PDZD2: variants seen among roughly 807,000 people sequenced by gnomAD.
PDZD2 encodes the protein PDZ domain-containing protein 2.
PDZD2 carries 90 observed loss-of-function variants against 220.7 expected under a neutral mutation model. The ratio of observed to expected loss-of-function variants is 0.41; its 90% CI spans 0.34 to 0.49. The LOEUF (loss-of-function observed/expected upper bound fraction) is 0.49. Among genes scored for constraint, PDZD2 ranks in the 20% least tolerant of loss-of-function variants. The probability of loss-of-function intolerance (pLI) is 0.28; values close to 1 mark genes in which losing one functional copy is unlikely to be tolerated. For missense variants in PDZD2, 3,174 were observed against 3,608.5 expected (o/e 0.88, Z 3.08); for synonymous variants, 1,375 against 1,450.5 (o/e 0.95, Z 1.18).
chr5:31,908,766 C>G, intron 2 of PDZD2: 3 of 926,622 alleles, frequency 3.2e-6, no homozygotes, highest in African/African-American at 1.6e-5. Flanking sequence ...CAGTTCTGGC[C>G]GGGCGTGGTG....
chr5:31,894,579 A>G (rs777344754), intron 2 of PDZD2, among the ~76,000 whole-genome samples: 31 of 152,120 alleles, frequency 2.0e-4, no homozygotes, highest in Non-Finnish European at 4.3e-4. Flanking sequence ...TACCAAGTAT[A>G]TTTTGCTTTT....
chr5:31,767,982 G>A (rs1294331211), intron 1 of PDZD2, among the ~76,000 whole-genome samples: 1 of 152,242 alleles, frequency 6.6e-6, no homozygotes, highest in Non-Finnish European at 1.5e-5. Context: ...TTGGAACAGT[G>A]TCTTTTTTAC....
intron 3 of PDZD2, among the ~76,000 whole-genome samples, chr5:31,991,252 G>A (rs1235053895): frequency 6.6e-6 from 1 of 152,162 alleles, no homozygotes; most frequent in East Asian, 1.9e-4. Flanking sequence ...TGTAGGAGGT[G>A]AAATTTAAAA....
intron 9 of PDZD2, among the ~76,000 whole-genome samples, chr5:32,053,221 G>A (rs912668371): frequency 6.6e-6 from 1 of 152,212 alleles, no homozygotes; most frequent in African/African-American, 2.4e-5. Flanking sequence ...TTTACCTCCA[G>A]TGAAAGAAAA....
chr5:31,924,610 T>C (rs917270990), intron 2 of PDZD2, among the ~76,000 whole-genome samples: 1 of 152,198 alleles, frequency 6.6e-6, no homozygotes, highest in Non-Finnish European at 1.5e-5. Flanking sequence ...ATACTCTTCA[T>C]CTTCCCAGCA....
chr5:31,890,105 A>G (rs1740879518), intron 2 of PDZD2, among the ~76,000 whole-genome samples: 1 of 143,432 alleles, frequency 7.0e-6, no homozygotes, highest in African/African-American at 2.6e-5. Context: ...CCTCCTGAGC[A>G]TTGACAAGGC....
chr5:31,816,287 C>CAAAAAAAAAAAAAAAAAAAAAAAAAAAA (rs34233316), intron 2 of PDZD2, among the ~76,000 whole-genome samples: 1 of 99,118 alleles, frequency 1.0e-5, no homozygotes, highest in Non-Finnish European at 2.1e-5. Flanking sequence ...GACTCCATCT[C>CAAAAAAAAAAAAAAAAAAAAAAAAAAAA]AAAAAAAAAA....
intron 2 of PDZD2, among the ~76,000 whole-genome samples, chr5:31,980,721 G>A (rs1241537669): frequency 3.9e-5 from 6 of 152,092 alleles, no homozygotes; most frequent in African/African-American, 7.2e-5. Context: ...AAATCTATAC[G>A]TTATAGAAAA....
intron 1 of PDZD2, among the ~76,000 whole-genome samples, chr5:31,692,294 T>C (rs1678919): frequency 0.75 from 113,385 of 152,102 alleles, 42,997 homozygotes; most frequent in East Asian, 0.93. Flanking sequence ...ACTCGGAACT[T>C]GCGCTGGCCC....
chr5:31,750,511 C>G (rs1750889669), intron 1 of PDZD2, among the ~76,000 whole-genome samples: 1 of 152,176 alleles, frequency 6.6e-6, no homozygotes, highest in Non-Finnish European at 1.5e-5. Flanking sequence ...AGCATGAACA[C>G]AATGTGCAAG....
intron 1 of PDZD2, among the ~76,000 whole-genome samples, chr5:31,728,537 G>T (rs1402004143): frequency 6.6e-6 from 1 of 152,184 alleles, no homozygotes; most frequent in Non-Finnish European, 1.5e-5. Context: ...GAGTGCTAAT[G>T]GTGGTGGGGC....
At chr5:31,921,933 TG>T (rs1273310460) in intron 2 of PDZD2, among the ~76,000 whole-genome samples, 2 of 152,204 alleles carry the variant, frequency 1.3e-5, no homozygotes, top group East Asian at 3.8e-4. Flanking sequence ...TTCCACACTT[TG>T]GCTGTTGTTG....
intron 1 of PDZD2, among the ~76,000 whole-genome samples, chr5:31,777,218 C>T (rs999868934): frequency 5.3e-5 from 8 of 152,148 alleles, no homozygotes; most frequent in Non-Finnish European, 1.2e-4. Flanking sequence ...GTGCCACTGG[C>T]CCCGGGCAGT....
chr5:32,033,156 A>G (rs1310182085), intron 6 of PDZD2, among the ~76,000 whole-genome samples: 2 of 152,256 alleles, frequency 1.3e-5, no homozygotes, highest in Non-Finnish European at 2.9e-5. Context: ...AAGGCCTTCC[A>G]GGAGAACATT....
chr5:32,074,842 G>C (rs1052088864), intron 18 of PDZD2, among the ~76,000 whole-genome samples, 199 bp downstream of exon 18: 2 of 149,286 alleles, frequency 1.3e-5, no homozygotes, highest in Non-Finnish European at 3.0e-5. Context: ...ATGGAGTTTC[G>C]CTCTGTCACC....
In PDZD2 at chr5:31,910,476, C is replaced by T. The variant is rs116972315; in HGVS notation, c.477-72679C>T. 1.7e-3 allele frequency among the ~76,000 whole-genome samples: 246 copies of T among 148,488 alleles called. 2 individuals carry two copies. Among genetic ancestry groups the T allele is most frequent in the East Asian group, 0.014 (73 of 5,092 alleles). On this transcript the variant is annotated intron_variant, in intron 2 of 24. Transcript: ENST00000438447. ...GGCTGGAGTGCAGTTGCGCAAATTC[C>T]GCCTCCTGGGTTCAAGCGATTCTCT...
chr5:32,022,475 G>C (rs937201559), intron 6 of PDZD2, among the ~76,000 whole-genome samples: 1 of 151,618 alleles, frequency 6.6e-6, no homozygotes, highest in African/African-American at 2.4e-5. Flanking sequence ...CCAAAGTGCT[G>C]GGATTATAGG....
chr5:31,747,010 A>T (rs1186438935), intron 1 of PDZD2, among the ~76,000 whole-genome samples: 1 of 152,080 alleles, frequency 6.6e-6, no homozygotes, highest in Non-Finnish European at 1.5e-5. Flanking sequence ...CCCCGTCTCT[A>T]CTGAAAATAC....
chr5:31,956,342 T>TTG (rs1747681747), intron 2 of PDZD2, among the ~76,000 whole-genome samples: 2 of 151,076 alleles, frequency 1.3e-5, no homozygotes, highest in South Asian at 4.2e-4. Context: ...AAGAGTTTTT[T>TTG]TTTTTTTTTT....
Sources: allele counts gnomAD v4.1 joint callset (sites outside exome capture counted in the v4.1 genomes callset), GRCh38; gene constraint gnomAD v4.1.1; transcripts MANE v1.5; gene names NCBI Gene and HGNC (gene_info 2026-07-23, HGNC 2026-07-21).